ENO4: variants seen among roughly 807,000 people sequenced by gnomAD.
The protein encoded by ENO4 is 2-phospho-D-glycerate hydro-lyase.
A neutral mutation model predicts 63.2 loss-of-function variants in ENO4; 53 were observed. The observed-to-expected ratio is 0.84, with a 90% confidence interval of 0.67 to 1.05. ENO4 has a LOEUF of 1.05. Ranked by LOEUF, ENO4 falls within the 50% of genes least tolerant of loss-of-function variation. The pLI, the probability that ENO4 is intolerant of heterozygous loss-of-function variation, is 0.00. For synonymous variants in ENO4, 266 were observed against 283.8 expected (o/e 0.94, Z 0.63); for missense variants, 719 against 772.0 (o/e 0.93, Z 0.81).
chr10:116,896,114 T>C (rs55834077), intron 10 of ENO4, among the ~76,000 whole-genome samples: 6 of 152,268 alleles, frequency 3.9e-5, no homozygotes, highest in Non-Finnish European at 7.4e-5. Context: ...TAAAGAGTAA[T>C]AGAAGTATTA....
intron 13 of ENO4, 92 bp downstream of exon 13, chr10:116,880,078 G>GA: frequency 2.1e-6 from 2 of 973,420 alleles, no homozygotes; most frequent in Non-Finnish European, 3.1e-6. Flanking sequence ...CTGCAGGAGG[G>GA]CAGGGGAATC....
At chr10:116,889,926 A>G (rs1847282980) in intron 10 of ENO4, among the ~76,000 whole-genome samples, 1 of 151,632 alleles carries the variant, frequency 6.6e-6, no homozygotes, top group South Asian at 2.1e-4. Context: ...GCTGCCCAAG[A>G]CTCCTTCTGG....
chr10:116,855,947 C>T (rs1846246867), intron 2 of ENO4, among the ~76,000 whole-genome samples, 196 bp downstream of exon 2: 1 of 152,154 alleles, frequency 6.6e-6, no homozygotes, highest in African/African-American at 2.4e-5. Context: ...TTGATACAGA[C>T]ATGACATGCT....
At chr10:116,854,924 G>A (rs1184660242) in intron 1 of ENO4, among the ~76,000 whole-genome samples, 2 of 97,450 alleles carry the variant, frequency 2.1e-5, no homozygotes, top group Non-Finnish European at 3.6e-5. Context: ...CTGGCTGACA[G>A]AGCAAGACCC....
intron 10 of ENO4, among the ~76,000 whole-genome samples, chr10:116,891,335 TTA>T (rs1464813691): frequency 1.3e-5 from 2 of 152,218 alleles, no homozygotes; most frequent in Non-Finnish European, 2.9e-5. Flanking sequence ...GCTGGACTAT[TTA>T]ACACAATCTG....
At position 116,874,192 on chromosome 10, in the gene ENO4, C is replaced by G. The variant is rs1350447615; in HGVS notation, c.1332C>G (p.Phe444Leu). ...YPSIIALIDPFRKEDSEQWDS... is the reference protein window; with the variant it reads ...YPSIIALIDPLRKEDSEQWDS... The stretch of plus-strand genomic sequence containing the variant: ...CAATTATTGCCTTAATTGATCCTTT[C>G]AGGAAGGAGGTAAGCACCCCACCTT... Residue 444 changes from phenylalanine (F) to leucine (L), a missense_variant, in exon 10 of 14, where the codon TTC becomes TTG. By Grantham distance (22) the Phe-to-Leu change is conservative. Transcript: ENST00000341276. 1 of 1,539,460 alleles carries G rather than the reference C, an allele frequency of 6.5e-7. No individual in the cohort carries two copies. The highest frequency in any genetic ancestry group is 1.2e-5 in the South Asian group (1 of 83,088).
downstream of ENO4, chr10:116,886,026 T>C: frequency 3.1e-6 from 1 of 318,152 alleles, no homozygotes; most frequent in Non-Finnish European, 5.8e-6. Context: ...TGATGAGTGG[T>C]ATGCACATTT....
At chr10:116,898,598 T>C (rs1847606049) in intron 10 of ENO4, among the ~76,000 whole-genome samples, 2 of 152,178 alleles carry the variant, frequency 1.3e-5, no homozygotes, top group Admixed American at 1.3e-4. Flanking sequence ...CTGTGAGATT[T>C]AAGATACTAG....
intron 6 of ENO4, among the ~76,000 whole-genome samples, chr10:116,862,465 AAAAAAAT>A (rs927005785): frequency 3.3e-5 from 5 of 152,092 alleles, no homozygotes; most frequent in African/African-American, 9.7e-5. Flanking sequence ...CATCTCAAAA[AAAAAAAT>A]AAAAAAGAAA....
chr10:116,893,982 A>G (rs2133308712), intron 10 of ENO4, among the ~76,000 whole-genome samples: 2 of 152,334 alleles, frequency 1.3e-5, no homozygotes, highest in South Asian at 4.1e-4. Context: ...TCATTTTTCT[A>G]CATTAGTTTC....
chr10:116,903,517 T>C (rs1254297150), intron 10 of ENO4, among the ~76,000 whole-genome samples: 2 of 151,818 alleles, frequency 1.3e-5, no homozygotes, highest in Middle Eastern at 3.4e-3. Context: ...AAGAGAGACT[T>C]CATCTCAGAG....
chr10:116,884,604 T>G (rs1847110527), downstream of ENO4: 1 of 190,538 alleles, frequency 5.2e-6, no homozygotes, highest in African/African-American at 2.4e-5. Context: ...TGTGTGTGAG[T>G]TGCATGCTGG....
At position 116,881,508 on chromosome 10, in the gene ENO4, T is replaced by C; in HGVS notation, c.1724-7T>C. Reference sequence around the variant, plus strand: ...TAGACAGTAAACTTTATTGTTACTTTAAATAGGTTTCAAAGAAGAACACAC... The same window carrying C: ...TAGACAGTAAACTTTATTGTTACTTCAAATAGGTTTCAAAGAAGAACACAC... On this transcript the variant is annotated splice_polypyrimidine_tract_variant and splice_region_variant and intron_variant, in intron 13 of 13. Transcript: ENST00000341276. 1 of 1,533,252 alleles carries C rather than the reference T, an allele frequency of 6.5e-7. No homozygotes were observed. Among genetic ancestry groups the C allele is most frequent in the Non-Finnish European group, 8.8e-7 (1 of 1,140,384 alleles). The allele number at this position is 1,533,252 out of a possible 1,614,324, so 95.0% of individuals were successfully genotyped here.
chr10:116,865,172 AGG>A (rs1589755888), intron 7 of ENO4, among the ~76,000 whole-genome samples: 1 of 152,198 alleles, frequency 6.6e-6, no homozygotes, highest in East Asian at 1.9e-4. Context: ...TTACATAATA[AGG>A]GATTTACTCT....
At position 116,871,227 on chromosome 10, in the gene ENO4, G is replaced by A; in HGVS notation, c.1150G>A (p.Gly384Arg). Residue 384 changes from glycine (G) to arginine (R), a missense_variant, in exon 9 of 14, where the codon GGG becomes AGG. Around this residue, in one of 3 missense-constraint regions of ENO4, gnomAD observed 544 missense variants for 583.6 expected, o/e 0.93. Coordinates refer to ENST00000341276, the MANE Select transcript of ENO4 (RefSeq NM_001242699.2). ...AATACAGGAAATCTGTGCCAACCTGGGGCTAGAACTGGGAACAAATCTGCA... is the reference window on the plus strand; with the variant it reads ...AATACAGGAAATCTGTGCCAACCTGAGGCTAGAACTGGGAACAAATCTGCA... ...LLIQEICANL[G>R]LELGTNLHLA... is the part of the protein sequence containing the mutation. The A allele has an allele frequency of 6.4e-7, 1 of 1,550,408 alleles. No individual in the cohort carries two copies. Among genetic ancestry groups the A allele is most frequent in the Non-Finnish European group, 8.7e-7 (1 of 1,146,984 alleles).
chr10:116,903,573 T>C (rs1847836853), intron 10 of ENO4, among the ~76,000 whole-genome samples: 1 of 152,166 alleles, frequency 6.6e-6, no homozygotes, highest in African/African-American at 2.4e-5. Context: ...AAGCCTCATG[T>C]TGCATGGAGC....
chr10:116,902,608 T>C (rs753948437), intron 10 of ENO4, among the ~76,000 whole-genome samples: 16 of 152,202 alleles, frequency 1.1e-4, no homozygotes, highest in Non-Finnish European at 1.6e-4. Context: ...GGCATATCAA[T>C]CTAAAAATTC....
At chr10:116,907,531 T>G (rs1265055429) in intron 10 of ENO4, among the ~76,000 whole-genome samples, 1 of 152,170 alleles carries the variant, frequency 6.6e-6, no homozygotes, top group Non-Finnish European at 1.5e-5. Context: ...CCGGGAAGTA[T>G]GTTACAGAGT....
rs913266982 is a variant in ENO4, at chr10:116,861,836, GA to G, written c.936+656del. On this transcript the variant is annotated intron_variant, in intron 6 of 13. Coordinates refer to ENST00000341276, the MANE Select transcript of ENO4 (RefSeq NM_001242699.2). ...AGTTTATCTTAGTGGAAATCAGTAA[GA>G]AAAAAAAAATCAAGATTTTTCATGA... Among the ~76,000 whole-genome samples the G allele has an allele frequency of 1.3e-4, 19 of 148,618 alleles. 1 individual carries two copies. The highest frequency in any genetic ancestry group is 8.5e-4 in the South Asian group (4 of 4,686).
Sources: gnomAD v4.1 joint callset for allele counts (sites outside exome capture counted in the v4.1 genomes callset) on GRCh38, gnomAD v4.1.1 for gene constraint, gnomAD v4.1.1 regional missense constraint, MANE v1.5 for transcripts, NCBI Gene and HGNC (gene_info 2026-07-23, HGNC 2026-07-21) for gene names.